The following POU3F3 variants were observed in gnomAD, a reference collection of about 807,000 sequenced individuals.
POU3F3 encodes POU domain, class 3, transcription factor 3.
Under a neutral mutation model 8.6 loss-of-function variants are expected in POU3F3, and 1 was observed. That is an observed-to-expected ratio of 0.12 (90% CI 0.04 to 0.55). The LOEUF is 0.55. Among genes scored for constraint, POU3F3 ranks in the 20% least tolerant of loss-of-function variants. The pLI is 0.91. For synonymous variants in POU3F3, 418 were observed against 327.4 expected (o/e 1.28, Z -2.99); for missense variants, 577 against 690.7 (o/e 0.84, Z 1.84).
chr2:104,872,680 C>T, the POU3F3 span: 9 of 243,698 alleles, frequency 3.7e-5, no homozygotes, highest in Non-Finnish European at 6.4e-5. The surrounding 1 kb of genome is among the most constrained non-coding windows in gnomAD (Gnocchi z 4.6). Flanking sequence ...ATTAAATATT[C>T]ATAGGGATGC....
Position 104,857,159 on chromosome 2 carries a change from C to A in POU3F3, c.*146C>A. 3.5e-6 allele frequency: 3 copies of A among 853,554 alleles called. No individual in the cohort carries two copies. Among genetic ancestry groups the A allele is most frequent in the Non-Finnish European group, 4.2e-6 (3 of 710,000 alleles). The allele number at this position is 853,554 out of a possible 1,614,324, so 52.9% of individuals were successfully genotyped here. On this transcript the variant is annotated 3_prime_UTR_variant, in exon 1 of 1. Coordinates refer to ENST00000361360, the MANE Select transcript of POU3F3 (RefSeq NM_006236.3). ...CCCTGCACCTGGGCCGCTCCGGGCT[C>A]CAGCCCAGGCCCATCCGCCGCCCTC...
chr2:104,890,491 C>T, the POU3F3 span, among the ~76,000 whole-genome samples: 8 of 152,124 alleles, frequency 5.3e-5, no homozygotes, highest in Non-Finnish European at 1.2e-4. Context: ...ATTCGCCCAC[C>T]TCCCTGTGTG....
Position 104,856,098 on chromosome 2 carries a change from AGCC to A in POU3F3, c.609_611del (p.Ala204del), listed in dbSNP as rs771609174. On this transcript the variant is annotated inframe_deletion, in exon 1 of 1. Transcript: ENST00000361360. ...GGGCGGCCGCCGCTGCCGCAGCCGC[AGCC>A]GCCGCCGCCGCCGCCGCCGCGCACC... 1.4e-3 allele frequency: 1,470 copies of A among 1,028,554 alleles called. No individual in the cohort carries two copies. Among genetic ancestry groups the A allele is most frequent in the East Asian group, 8.8e-3 (108 of 12,254 alleles). The allele number at this position is 1,028,554 out of a possible 1,614,324, so 63.7% of individuals were successfully genotyped here.
chr2:104,876,295 G>A, the POU3F3 span, among the ~76,000 whole-genome samples: 1 of 152,212 alleles, frequency 6.6e-6, no homozygotes, highest in Non-Finnish European at 1.5e-5. Context: ...GAAATGGAAA[G>A]AAATACTAGT....
the POU3F3 span, among the ~76,000 whole-genome samples, chr2:104,923,408 G>A: frequency 6.6e-6 from 1 of 152,154 alleles, no homozygotes; most frequent in South Asian, 2.1e-4. Context: ...GGAAGGGACT[G>A]TATAGGAGCA....
the POU3F3 span, among the ~76,000 whole-genome samples, chr2:104,915,790 C>T: frequency 1.3e-5 from 2 of 151,946 alleles, no homozygotes; most frequent in African/African-American, 4.8e-5. Flanking sequence ...GAGAATGATA[C>T]TTGAAGCACT....
chr2:104,864,305 A>G, the POU3F3 span, among the ~76,000 whole-genome samples: 2 of 152,080 alleles, frequency 1.3e-5, no homozygotes, highest in South Asian at 4.1e-4. Flanking sequence ...CAAAGGCGAA[A>G]CCCCAGATTA....
chr2:104,901,381 CT>C, the POU3F3 span, among the ~76,000 whole-genome samples: 1 of 152,184 alleles, frequency 6.6e-6, no homozygotes, highest in Non-Finnish European at 1.5e-5. Flanking sequence ...TGTTTTGGGC[CT>C]AATGAATCAA....
chr2:104,879,944 G>A, the POU3F3 span, among the ~76,000 whole-genome samples: 9 of 152,078 alleles, frequency 5.9e-5, no homozygotes, highest in South Asian at 2.1e-4. Context: ...TCTACTATAC[G>A]ATAGAATACA....
rs957709537 is a variant in POU3F3 at position 104,857,562 on chromosome 2, C to G, written c.*549C>G. ...AGAGAGAGAGTCCCCTTTCCTTTCA[C>G]TTTCTCCCTCCAAAACAGCTGCCTA... On this transcript the variant is annotated 3_prime_UTR_variant, in exon 1 of 1. Transcript: ENST00000361360. 1.3e-5 allele frequency: 2 copies of G among 153,702 alleles called. No homozygotes were observed. The highest frequency in any genetic ancestry group is 2.9e-5 in the Non-Finnish European group (2 of 68,036). 9.5% of individuals were successfully genotyped at this position (153,702 alleles called of 1,614,324 possible).
the POU3F3 span, among the ~76,000 whole-genome samples, chr2:104,924,636 C>T: frequency 6.6e-6 from 1 of 152,218 alleles, no homozygotes; most frequent in Non-Finnish European, 1.5e-5. Context: ...TAATCTCTAA[C>T]CAAAATGGTT....
the POU3F3 span, among the ~76,000 whole-genome samples, chr2:104,904,355 G>T: frequency 6.6e-6 from 1 of 152,114 alleles, no homozygotes; most frequent in South Asian, 2.1e-4. Context: ...CACCAACAGG[G>T]CCACTGTAAA....
At chr2:104,878,058 T>G in the POU3F3 span, among the ~76,000 whole-genome samples, 54,124 of 152,076 alleles carry the variant, frequency 0.36, 10,054 homozygotes, top group East Asian at 0.63. Context: ...TCCTGGATGC[T>G]GGCAGTTAAG....
At chr2:104,925,511 A>G in the POU3F3 span, among the ~76,000 whole-genome samples, 1 of 152,176 alleles carries the variant, frequency 6.6e-6, no homozygotes, top group East Asian at 1.9e-4. Context: ...GGAGGAGGCC[A>G]CTGGACCAAC....
downstream of POU3F3, among the ~76,000 whole-genome samples, chr2:104,860,552 A>G (rs906567665): frequency 1.2e-4 from 18 of 151,746 alleles, no homozygotes; most frequent in African/African-American, 3.9e-4. Flanking sequence ...TCCCCTTCCA[A>G]CCCAAAGGAA....
the POU3F3 span, among the ~76,000 whole-genome samples, chr2:104,917,624 CTT>C: frequency 6.6e-6 from 1 of 152,154 alleles, no homozygotes; most frequent in African/African-American, 2.4e-5. Context: ...TGCAAAGAAA[CTT>C]TGCTTTGTAA....
At chr2:104,898,142 G>A in the POU3F3 span, among the ~76,000 whole-genome samples, 1 of 152,260 alleles carries the variant, frequency 6.6e-6, no homozygotes, top group African/African-American at 2.4e-5. Context: ...AGAAGAGGCC[G>A]GAGAGCCAGC....
chr2:104,919,531 C>A, the POU3F3 span, among the ~76,000 whole-genome samples: 1 of 152,198 alleles, frequency 6.6e-6, no homozygotes, highest in South Asian at 2.1e-4. Context: ...CAGTCACCTC[C>A]TGGCCCATCA....
chr2:104,914,477 T>A, the POU3F3 span, among the ~76,000 whole-genome samples: 26 of 152,338 alleles, frequency 1.7e-4, no homozygotes, highest in East Asian at 4.4e-3. Flanking sequence ...ACTTCTTTTT[T>A]ATGAGGACAG....
Sources: gnomAD v4.1 joint callset for allele counts (sites outside exome capture counted in the v4.1 genomes callset) on GRCh38, gnomAD v4.1.1 for gene constraint, Gnocchi (gnomAD v3.1) non-coding constraint, MANE v1.5 for transcripts, NCBI Gene and HGNC (gene_info 2026-07-23, HGNC 2026-07-21) for gene names.